Variants in KCNMA1 observed in about 807,000 individuals in gnomAD.
KCNMA1 encodes the protein potassium calcium-activated channel subfamily M alpha 1.
KCNMA1 carries 29 observed loss-of-function variants against 140.0 expected under a neutral mutation model. The observed-to-expected ratio is 0.21, with a 90% CI of 0.15 to 0.28. The LOEUF (loss-of-function observed/expected upper bound fraction) is 0.28. Ranked by LOEUF, KCNMA1 falls within the 10% of genes least tolerant of loss-of-function variation. KCNMA1 has a pLI of 1.00. For synonymous variants in KCNMA1, 612 were observed against 611.9 expected, an observed-to-expected ratio of 1.00 and a Z score of 0.00; for missense variants, 880 against 1,602.2, an observed-to-expected ratio of 0.55 and a Z score of 7.70.
intron 1 of KCNMA1, among the ~76,000 whole-genome samples, chr10:77,516,164 C>T (rs1434918870): frequency 6.6e-6 from 1 of 152,006 alleles, no homozygotes; most frequent in African/African-American, 2.4e-5. Flanking sequence ...TTAAGAAATC[C>T]CCATCATGTA....
chr10:76,920,020 G>GTGTGTGTGTGTGTATA (rs1177257916), intron 23 of KCNMA1, among the ~76,000 whole-genome samples: 7 of 34,428 alleles, frequency 2.0e-4, no homozygotes, highest in African/African-American at 7.4e-4. Flanking sequence ...GTGTGTGTGT[G>GTGTGTGTGTGTGTATA]TATATATATA....
chr10:77,521,324 T>C (rs1369529856), intron 1 of KCNMA1, among the ~76,000 whole-genome samples: 3 of 152,206 alleles, frequency 2.0e-5, no homozygotes, highest in African/African-American at 7.2e-5. Flanking sequence ...ACCTCCCTGA[T>C]ACCCATCTTC....
intron 2 of KCNMA1, among the ~76,000 whole-genome samples, chr10:77,296,042 A>G (rs990084275): frequency 6.6e-6 from 1 of 152,048 alleles, no homozygotes; most frequent in African/African-American, 2.4e-5. Context: ...TAAAATAATG[A>G]CCCTCAAAGA....
intron 3 of KCNMA1, among the ~76,000 whole-genome samples, chr10:77,232,026 T>C (rs918122975): frequency 6.6e-6 from 1 of 152,230 alleles, no homozygotes; most frequent in African/African-American, 2.4e-5. Flanking sequence ...ACAAGTGAAG[T>C]CATATACTGT....
chr10:77,324,713 T>C (rs1373783756), intron 2 of KCNMA1, among the ~76,000 whole-genome samples: 2 of 152,152 alleles, frequency 1.3e-5, no homozygotes, highest in Non-Finnish European at 2.9e-5. Flanking sequence ...TCTGTCACGT[T>C]CTCAGCATTC....
At chr10:77,207,215 T>A (rs1285535251) in intron 3 of KCNMA1, among the ~76,000 whole-genome samples, 2 of 152,180 alleles carry the variant, frequency 1.3e-5, no homozygotes, top group East Asian at 3.9e-4. Context: ...ATAAATTTAA[T>A]AGAGGACTCT....
At chr10:77,451,330 C>A (rs933797304) in intron 1 of KCNMA1, among the ~76,000 whole-genome samples, 1 of 152,120 alleles carries the variant, frequency 6.6e-6, no homozygotes, top group African/African-American at 2.4e-5. Flanking sequence ...AAAAGAGGAA[C>A]CCTGTGCCCC....
intron 5 of KCNMA1, among the ~76,000 whole-genome samples, chr10:77,136,957 G>A (rs192763236): frequency 1.4e-4 from 22 of 152,238 alleles, no homozygotes; most frequent in African/African-American, 1.9e-4. Flanking sequence ...CTTTCCCTTC[G>A]AAACTTGCTG....
At chr10:77,080,762 T>A (rs1434766221) in intron 12 of KCNMA1, among the ~76,000 whole-genome samples, 1 of 152,100 alleles carries the variant, frequency 6.6e-6, no homozygotes, top group Non-Finnish European at 1.5e-5. Flanking sequence ...TCCCACACCC[T>A]AGGGACTAGC....
At chr10:76,915,245 G>A (rs530143395) in intron 23 of KCNMA1, among the ~76,000 whole-genome samples, 196 bp from the exon 24 acceptor site, 7 of 152,188 alleles carry the variant, frequency 4.6e-5, no homozygotes, top group South Asian at 2.1e-4. Flanking sequence ...ATAAATAATC[G>A]TAACTCACTT....
At chr10:77,315,428 C>G (rs2080583373) in intron 2 of KCNMA1, 1 of 152,190 alleles carries the variant, frequency 6.6e-6, no homozygotes, top group Non-Finnish European at 1.5e-5. Flanking sequence ...AACAACATAG[C>G]TGCCATCTTG....
At chr10:77,558,386 G>A (rs932622142) in intron 1 of KCNMA1, among the ~76,000 whole-genome samples, 4 of 152,136 alleles carry the variant, frequency 2.6e-5, no homozygotes, top group South Asian at 2.1e-4. Context: ...ATTGGATCAC[G>A]ATGATCCTGG....
chr10:77,440,431 A>G (rs1603620069), intron 1 of KCNMA1, among the ~76,000 whole-genome samples: 2 of 152,228 alleles, frequency 1.3e-5, no homozygotes, highest in Non-Finnish European at 1.5e-5. Context: ...ACAGTTTCAG[A>G]AGCCTGCACA....
chr10:77,533,942 A>T (rs2154553472), intron 1 of KCNMA1, among the ~76,000 whole-genome samples: 1 of 152,272 alleles, frequency 6.6e-6, no homozygotes, highest in African/African-American at 2.4e-5. Context: ...TTACAGAGGG[A>T]GAACCCTTCC....
At chr10:76,907,131 C>A (rs978593502) in intron 25 of KCNMA1, among the ~76,000 whole-genome samples, 1 of 152,192 alleles carries the variant, frequency 6.6e-6, no homozygotes, top group Non-Finnish European at 1.5e-5. Flanking sequence ...ATGACAGTTA[C>A]CAGATTCCTG....
intron 1 of KCNMA1, among the ~76,000 whole-genome samples, chr10:77,567,463 A>T (rs1301352721): frequency 1.3e-5 from 2 of 152,192 alleles, no homozygotes; most frequent in Non-Finnish European, 2.9e-5. Flanking sequence ...CCCCTGGAGG[A>T]ACTACCGGCA....
intron 3 of KCNMA1, among the ~76,000 whole-genome samples, chr10:77,207,820 G>A (rs1275118289): frequency 1.3e-5 from 2 of 152,168 alleles, no homozygotes; most frequent in Admixed American, 6.5e-5. Context: ...TAGGTAAAAT[G>A]CCTTTGTAAG....
intron 1 of KCNMA1, among the ~76,000 whole-genome samples, chr10:77,515,981 T>C (rs976798954): frequency 2.6e-5 from 4 of 152,176 alleles, no homozygotes; most frequent in African/African-American, 9.7e-5. Context: ...AGCGCAGATC[T>C]TGGAACACAG....
intron 2 of KCNMA1, among the ~76,000 whole-genome samples, chr10:77,328,661 G>T (rs1414617641): frequency 6.6e-6 from 1 of 152,142 alleles, no homozygotes; most frequent in Non-Finnish European, 1.5e-5. Flanking sequence ...TTTGCAAATA[G>T]TTGAAGACCT....
Sources: gnomAD v4.1 joint callset for allele counts (sites outside exome capture counted in the v4.1 genomes callset) on GRCh38, gnomAD v4.1.1 for gene constraint, MANE v1.5 for transcripts, NCBI Gene and HGNC (gene_info 2026-07-23, HGNC 2026-07-21) for gene names.